The following ARHGAP26 variants were observed in gnomAD, a reference collection of about 807,000 sequenced individuals.
ARHGAP26 encodes rho GTPase-activating protein 26.
Under a neutral mutation model 104.8 loss-of-function variants are expected in ARHGAP26, and 38 were observed. The observed-to-expected ratio is 0.36, with a 90% CI of 0.28 to 0.48. The LOEUF is 0.48. Among genes scored for constraint, ARHGAP26 ranks in the 20% least tolerant of loss-of-function variants. ARHGAP26 has a pLI of 0.99. For synonymous variants in ARHGAP26, 341 were observed against 340.0 expected (o/e 1.00, Z -0.03); for missense variants, 704 against 947.9 (o/e 0.74, Z 3.38).
intron 17 of ARHGAP26, among the ~76,000 whole-genome samples, chr5:143,084,754 A>G (rs545700368): frequency 6.6e-6 from 1 of 152,218 alleles, no homozygotes; most frequent in African/African-American, 2.4e-5. Flanking sequence ...TCCGTTAGAA[A>G]TACTTTCTCC....
At chr5:143,216,869 A>G (rs1323137558) in intron 22 of ARHGAP26, 1 of 152,678 alleles carries the variant, frequency 6.5e-6, no homozygotes, top group African/African-American at 2.4e-5. Context: ...AGCTCAAAAT[A>G]TGTTATTAGG....
At chr5:143,163,138 A>C (rs1367824280) in intron 20 of ARHGAP26, among the ~76,000 whole-genome samples, 1 of 151,766 alleles carries the variant, frequency 6.6e-6, no homozygotes, top group East Asian at 1.9e-4. Context: ...AAAAGACACT[A>C]TTCGAGGCAC....
At position 143,054,060 on chromosome 5, in the gene ARHGAP26, C is replaced by T. The variant is rs1360707525; in HGVS notation, c.1286-379C>T. Reference sequence around the variant, plus strand: ...TTTGCAAAGAAGAGTGTGTGCTGAACGTTTCTGGGGTCTGTAACTTTTCTC... The same window carrying T: ...TTTGCAAAGAAGAGTGTGTGCTGAATGTTTCTGGGGTCTGTAACTTTTCTC... On this transcript the variant is annotated intron_variant, in intron 14 of 22. Transcript: ENST00000645722. Among the ~76,000 whole-genome samples the T allele has an allele frequency of 7.9e-5, 12 of 152,030 alleles. No homozygotes were observed. In the East Asian group the frequency reaches 2.3e-3, roughly 29 times the overall value.
intron 20 of ARHGAP26, among the ~76,000 whole-genome samples, chr5:143,154,392 G>A (rs1404113423): frequency 6.6e-6 from 1 of 152,118 alleles, no homozygotes; most frequent in African/African-American, 2.4e-5. Context: ...CCTCAAATAG[G>A]TGGCATGAAA....
At chr5:143,021,922 G>A (rs570324116) in intron 12 of ARHGAP26, among the ~76,000 whole-genome samples, 9 of 152,200 alleles carry the variant, frequency 5.9e-5, no homozygotes, top group South Asian at 4.2e-4. Flanking sequence ...TTTAATCCTC[G>A]TTACTGTATT....
At chr5:143,188,946 CTT>C (rs1805520256) in intron 20 of ARHGAP26, among the ~76,000 whole-genome samples, 1 of 152,306 alleles carries the variant, frequency 6.6e-6, no homozygotes, top group South Asian at 2.1e-4. Context: ...TTGTTTGGGG[CTT>C]GTGTAGTTCC....
intron 11 of ARHGAP26, among the ~76,000 whole-genome samples, chr5:142,958,920 G>GAAA (rs34897624): frequency 1.2e-5 from 1 of 83,598 alleles, no homozygotes; most frequent in African/African-American, 8.8e-5. Flanking sequence ...AAAAAAAAAA[G>GAAA]AAAAAAAAAA....
At chr5:142,922,712 T>C (rs1428767867) in intron 10 of ARHGAP26, among the ~76,000 whole-genome samples, 5 of 152,236 alleles carry the variant, frequency 3.3e-5, no homozygotes, top group African/African-American at 1.2e-4. Flanking sequence ...GTGATTTCAC[T>C]GTCCTGTGTG....
At chr5:142,827,858 G>A (rs1401873991) in intron 1 of ARHGAP26, among the ~76,000 whole-genome samples, 2 of 152,202 alleles carry the variant, frequency 1.3e-5, no homozygotes, top group Non-Finnish European at 2.9e-5. Context: ...CTCAATAAAC[G>A]TCAGCCGTTA....
chr5:143,157,456 G>A (rs1800630869), intron 20 of ARHGAP26, among the ~76,000 whole-genome samples: 1 of 152,206 alleles, frequency 6.6e-6, no homozygotes, highest in Non-Finnish European at 1.5e-5. Context: ...GGGACTACAG[G>A]CGTGAGCCAC....
chr5:142,821,186 G>A (rs1256327167), intron 1 of ARHGAP26, among the ~76,000 whole-genome samples: 1 of 151,968 alleles, frequency 6.6e-6, no homozygotes, highest in East Asian at 1.9e-4. Flanking sequence ...ACCAAGAGAA[G>A]AGCGGGTGAA....
intron 18 of ARHGAP26, among the ~76,000 whole-genome samples, chr5:143,125,319 C>G (rs1283366478): frequency 6.6e-6 from 1 of 152,130 alleles, no homozygotes; most frequent in Non-Finnish European, 1.5e-5. Flanking sequence ...TTTATTTTGT[C>G]ACTCACACCC....
intron 17 of ARHGAP26, among the ~76,000 whole-genome samples, chr5:143,089,604 C>T (rs1480822660): frequency 2.0e-5 from 3 of 152,206 alleles, no homozygotes; most frequent in African/African-American, 7.2e-5. Context: ...TTTCCCAAGC[C>T]ATCTGGCTAG....
At chr5:142,928,236 T>C (rs1414326898) in intron 10 of ARHGAP26, among the ~76,000 whole-genome samples, 1 of 122,702 alleles carries the variant, frequency 8.1e-6, no homozygotes, top group Non-Finnish European at 1.6e-5. Context: ...TGTGTGTTTT[T>C]TTTTTTTTTT....
intron 20 of ARHGAP26, among the ~76,000 whole-genome samples, chr5:143,174,194 T>C (rs1441941212): frequency 6.6e-6 from 1 of 152,170 alleles, no homozygotes; most frequent in Admixed American, 6.5e-5. Context: ...TAGGTAACAA[T>C]CTATTGTTCA....
intron 18 of ARHGAP26, among the ~76,000 whole-genome samples, chr5:143,130,711 G>A (rs1797232131): frequency 6.6e-6 from 1 of 152,154 alleles, no homozygotes; most frequent in African/African-American, 2.4e-5. Context: ...TAGCATAGAG[G>A]CAAACCCGTG....
chr5:142,972,305 C>G (rs867280974), intron 11 of ARHGAP26, among the ~76,000 whole-genome samples: 1 of 152,130 alleles, frequency 6.6e-6, no homozygotes, highest in African/African-American at 2.4e-5. Flanking sequence ...GATTCCCTTG[C>G]CAGGCCATTT....
intron 9 of ARHGAP26, among the ~76,000 whole-genome samples, chr5:142,909,219 G>A (rs377269): frequency 0.42 from 63,426 of 152,020 alleles, 16,287 homozygotes; most frequent in East Asian, 0.86. Flanking sequence ...TCTCTGGACT[G>A]TATTCTGAAT....
chr5:142,853,715 C>A (rs1341352895), intron 1 of ARHGAP26, among the ~76,000 whole-genome samples: 3 of 152,158 alleles, frequency 2.0e-5, no homozygotes, highest in South Asian at 2.1e-4. Context: ...TTGAAAATCC[C>A]TCAGAGTAGC....
Sources: allele counts gnomAD v4.1 joint callset (sites outside exome capture counted in the v4.1 genomes callset), GRCh38; gene constraint gnomAD v4.1.1; transcripts MANE v1.5; gene names NCBI Gene and HGNC (gene_info 2026-07-23, HGNC 2026-07-21).